The following FANCC variants were observed in gnomAD, a reference collection of about 807,000 sequenced individuals.
The protein encoded by FANCC is FA complementation group C, also known as Fanconi anemia group C protein.
A neutral mutation model predicts 71.3 loss-of-function variants in FANCC; 55 were observed. That is an observed-to-expected ratio of 0.77 (90% CI 0.62 to 0.97). The LOEUF (loss-of-function observed/expected upper bound fraction) is 0.97, where lower values mean the gene tolerates loss of function less well. Ranked by LOEUF, FANCC falls within the 50% of genes least tolerant of loss-of-function variation. The pLI is 0.00. For synonymous variants in FANCC, 275 were observed against 244.9 expected, an observed-to-expected ratio of 1.12 and a Z score of -1.15; for missense variants, 678 against 670.9, an observed-to-expected ratio of 1.01 and a Z score of -0.12.
intron 4 of FANCC, 53 bp from the exon 5 acceptor site, chr9:95,172,200 C>T: frequency 8.6e-7 from 1 of 1,158,250 alleles, no homozygotes; most frequent in Non-Finnish European, 1.3e-6. Flanking sequence ...ATGCAAGTGC[C>T]TTTTATGTAC....
At chr9:95,123,670 C>G in intron 10 of FANCC, 1 of 649,932 alleles carries the variant, frequency 1.5e-6, no homozygotes, top group South Asian at 1.4e-5. Context: ...CTGCAGCAGT[C>G]AGGGACATTT....
chr9:95,304,284 A>G (rs1331727381), intron 1 of FANCC, among the ~76,000 whole-genome samples: 1 of 152,212 alleles, frequency 6.6e-6, no homozygotes, highest in Non-Finnish European at 1.5e-5. Context: ...AAGAAAGGAG[A>G]GAAGGATGAA....
At chr9:95,155,272 A>AGGGGAGGGGAGGGG (rs1830398213) in intron 6 of FANCC, among the ~76,000 whole-genome samples, 2 of 21,280 alleles carry the variant, frequency 9.4e-5, no homozygotes, top group Non-Finnish European at 1.7e-4. Context: ...GAGGGGAGGA[A>AGGGGAGGGGAGGGG]AGGGGAGGGG....
intron 3 of FANCC, among the ~76,000 whole-genome samples, chr9:95,247,210 C>CGTGTGT (rs1554857732): frequency 8.1e-6 from 1 of 123,650 alleles, no homozygotes; most frequent in South Asian, 2.7e-4. Flanking sequence ...GGTGCGTGCA[C>CGTGTGT]GCGTGTGTGT....
intron 4 of FANCC, among the ~76,000 whole-genome samples, chr9:95,227,771 T>C (rs1829716122): frequency 6.6e-6 from 1 of 152,250 alleles, no homozygotes; most frequent in Non-Finnish European, 1.5e-5. Flanking sequence ...CAGCTAAACC[T>C]TCTTGAGTAC....
chr9:95,104,856 C>A (rs1043517248), intron 14 of FANCC, among the ~76,000 whole-genome samples: 1 of 152,184 alleles, frequency 6.6e-6, no homozygotes, highest in Non-Finnish European at 1.5e-5. Flanking sequence ...CATCTCCCCA[C>A]TGCCCCTCCC....
intron 1 of FANCC, among the ~76,000 whole-genome samples, chr9:95,263,476 A>ATG (rs943540823): frequency 6.6e-5 from 8 of 120,592 alleles, no homozygotes; most frequent in East Asian, 5.7e-4. Flanking sequence ...ATTTATATAT[A>ATG]TATGTGTGTG....
At chr9:95,290,546 C>T (rs1204491392) in intron 1 of FANCC, among the ~76,000 whole-genome samples, 2 of 152,082 alleles carry the variant, frequency 1.3e-5, no homozygotes, top group Non-Finnish European at 2.9e-5. Context: ...GAATCACAGC[C>T]AATGAAAGGA....
intron 1 of FANCC, among the ~76,000 whole-genome samples, chr9:95,269,778 G>T (rs190939301): frequency 1.3e-5 from 2 of 152,262 alleles, no homozygotes; most frequent in Admixed American, 1.3e-4. Flanking sequence ...TATTGTAGGG[G>T]TGGGTTGCCC....
At chr9:95,176,388 C>T (rs1038364036) in intron 4 of FANCC, among the ~76,000 whole-genome samples, 1 of 152,208 alleles carries the variant, frequency 6.6e-6, no homozygotes, top group South Asian at 2.1e-4. Context: ...ACCCCACACC[C>T]GCCACCAGGC....
In FANCC at chr9:95,107,275, CA is replaced by C. The variant is rs2071519909; in HGVS notation, c.1330-7del. On this transcript the variant is annotated splice_region_variant and splice_polypyrimidine_tract_variant and intron_variant, in intron 13 of 14. Coordinates refer to ENST00000289081, the MANE Select transcript of FANCC (RefSeq NM_000136.3). ...AGCACGGCCTTCACCTGGACCTGGG[CA>C]ATAGTATTTCACAGGGGAGAGGTTA... 6.2e-7 allele frequency: 1 copy of C among 1,612,766 alleles called. No individual in the cohort carries two copies. The highest frequency in any genetic ancestry group is 8.5e-7 in the Non-Finnish European group (1 of 1,179,558).
chr9:95,305,752 G>A (rs1471166152), intron 1 of FANCC, among the ~76,000 whole-genome samples: 4 of 152,054 alleles, frequency 2.6e-5, no homozygotes, highest in Admixed American at 1.3e-4. Flanking sequence ...GAAAAGACAC[G>A]CCATACTTCA....
intron 13 of FANCC, among the ~76,000 whole-genome samples, chr9:95,108,094 A>C (rs1368709778): frequency 6.6e-6 from 1 of 152,202 alleles, no homozygotes; most frequent in Non-Finnish European, 1.5e-5. Context: ...ACTTAGGCCT[A>C]TTCTGAGAAT....
chr9:95,133,197 G>A (rs764102554), intron 8 of FANCC, among the ~76,000 whole-genome samples: 12 of 152,218 alleles, frequency 7.9e-5, no homozygotes, highest in East Asian at 1.9e-4. Flanking sequence ...GGCCTATTGC[G>A]GCCTGCCTGG....
chr9:95,225,289 T>C (rs1313017591), intron 4 of FANCC, among the ~76,000 whole-genome samples: 6 of 152,222 alleles, frequency 3.9e-5, no homozygotes, highest in Non-Finnish European at 8.8e-5. Flanking sequence ...ACTGTTTAAA[T>C]TTACTTTTCA....
chr9:95,162,181 A>T (rs1830791380), intron 6 of FANCC, among the ~76,000 whole-genome samples: 1 of 152,180 alleles, frequency 6.6e-6, no homozygotes, highest in Admixed American at 6.5e-5. Flanking sequence ...TTTAGATACC[A>T]CACATAAGTG....
chr9:95,169,202 T>A (rs1331239779), intron 6 of FANCC, among the ~76,000 whole-genome samples: 2 of 152,168 alleles, frequency 1.3e-5, no homozygotes, highest in African/African-American at 2.4e-5. Context: ...AAACAAATCA[T>A]CTATCTGTGA....
intron 1 of FANCC, among the ~76,000 whole-genome samples, chr9:95,268,646 G>A (rs770751336): frequency 3.9e-5 from 6 of 152,048 alleles, no homozygotes; most frequent in Admixed American, 3.9e-4. Context: ...TTGGAAAACT[G>A]GTAACAATAC....
intron 1 of FANCC, among the ~76,000 whole-genome samples, chr9:95,252,274 C>CAAAAAAAAAAAAAAAAAAAAAGAAAA (rs71366284): frequency 4.0e-5 from 2 of 50,156 alleles, no homozygotes; most frequent in African/African-American, 7.9e-5. Context: ...GAGACTGATT[C>CAAAAAAAAAAAAAAAAAAAAAGAAAA]AAAAAAAAAA....
Sources: allele counts gnomAD v4.1 joint callset (sites outside exome capture counted in the v4.1 genomes callset), GRCh38; gene constraint gnomAD v4.1.1; transcripts MANE v1.5; gene names NCBI Gene and HGNC (gene_info 2026-07-23, HGNC 2026-07-21).